The following CYSTM1 variants were observed in gnomAD, a reference collection of about 807,000 sequenced individuals.
CYSTM1 encodes the protein cysteine rich transmembrane module containing 1.
In CYSTM1, 4 loss-of-function variants were observed where a neutral mutation model predicts 13.1. That is an observed-to-expected ratio of 0.31 (90% CI 0.15 to 0.70). The LOEUF (loss-of-function observed/expected upper bound fraction) is 0.70. CYSTM1 is among the 30% of genes least tolerant of loss of function. The pLI is 0.72. For synonymous variants in CYSTM1, 36 were observed against 42.7 expected (o/e 0.84, Z 0.62); for missense variants, 96 against 121.6 (o/e 0.79, Z 0.99).
rs577709524 is a variant in CYSTM1, at chr5:140,178,441, C to CTTTTTTTTTTTTT, written c.-21+3169_-21+3181dup. ...TGGAAAAGCCCTATTCAAGTCCTTC[C>CTTTTTTTTTTTTT]TTTTTTTTTTTTTTTTTTTTTTTTT... On this transcript the variant is annotated intron_variant, in intron 1 of 2. Transcript: ENST00000261811. 1.2e-3 allele frequency among the ~76,000 whole-genome samples: 65 copies of CTTTTTTTTTTTTT among 52,662 alleles called. 8 individuals are homozygous for CTTTTTTTTTTTTT. The highest frequency in any genetic ancestry group is 4.9e-3 in the African/African-American group (58 of 11,820). The allele number at this position is 52,662 out of a possible 152,430, so 34.5% of individuals were successfully genotyped here. A position where few individuals can be genotyped will look rare whatever the true frequency, so the allele number is the denominator to read the frequency against.
intron 2 of CYSTM1, among the ~76,000 whole-genome samples, chr5:140,240,240 T>C (rs1764732058): frequency 6.6e-6 from 1 of 152,150 alleles, no homozygotes; most frequent in African/African-American, 2.4e-5. Flanking sequence ...TATTTTTAAA[T>C]AGCATTCCAA....
In CYSTM1 at chr5:140,175,816, G is replaced by T. The variant is rs572644513; in HGVS notation, c.-21+531G>T. ...AACGCAAAGCCGGCGCTCGGAGGCC[G>T]GGGTGTTCAGAGAAGGCGTTGCGGG... On this transcript the variant is annotated intron_variant, in intron 1 of 2. Coordinates refer to ENST00000261811, the MANE Select transcript of CYSTM1 (RefSeq NM_032412.4). This position sits in a 1 kb window ranked among gnomAD's most constrained non-coding sequence, Gnocchi z 4.9. 1.3e-5 allele frequency among the ~76,000 whole-genome samples: 2 copies of T among 152,232 alleles called. No individual in the cohort carries two copies. Among genetic ancestry groups the T allele is most frequent in the South Asian group, 2.1e-4 (1 of 4,834 alleles).
intron 2 of CYSTM1, among the ~76,000 whole-genome samples, chr5:140,207,728 G>A (rs964322345): frequency 1.3e-5 from 2 of 152,100 alleles, no homozygotes; most frequent in African/African-American, 4.8e-5. Flanking sequence ...CTTCCACATG[G>A]CTTTTGCAAA....
Position 140,194,681 on chromosome 5 carries a change from A to G in CYSTM1, c.187+29A>G, listed in dbSNP as rs773542768. 8.2e-6 allele frequency: 13 copies of G among 1,580,278 alleles called. No individual in the cohort carries two copies. The East Asian group carries it at 2.7e-4, about 33-fold the overall frequency. ...TGTGTCTCTGAATATGTGGGTGTGC[A>G]GTCCCGTGTCACTAAAGGAAATGTT... On this transcript the variant is annotated intron_variant, in intron 2 of 2. Transcript: ENST00000261811.
chr5:140,212,788 C>G (rs1764383628), intron 2 of CYSTM1, among the ~76,000 whole-genome samples: 1 of 151,618 alleles, frequency 6.6e-6, no homozygotes, highest in African/African-American at 2.4e-5. Flanking sequence ...GCAATATGGC[C>G]AAACTCCATC....
chr5:140,205,483 A>T lies in CYSTM1; in HGVS notation c.187+10831A>T, dbSNP rs981844095. On this transcript the variant is annotated intron_variant, in intron 2 of 2. Transcript: ENST00000261811. ...GCCCTGGAAAGCCTTTCCAGCATAGACCAGTCCAGTGCCTTCTTTCTTTGC... is the reference window on the plus strand; with the variant it reads ...GCCCTGGAAAGCCTTTCCAGCATAGTCCAGTCCAGTGCCTTCTTTCTTTGC... Among the ~76,000 whole-genome samples the T allele has an allele frequency of 2.6e-5, 4 of 152,106 alleles. No individual in the cohort carries two copies. The East Asian group carries it at 7.7e-4, about 29-fold the overall frequency.
rs1764778352 is a variant in CYSTM1, at chr5:140,243,473, C to T, written c.*62C>T. 7.1e-7 allele frequency: 1 copy of T among 1,407,008 alleles called. No individual in the cohort carries two copies. The highest frequency in any genetic ancestry group is 1.8e-5 in the Admixed American group (1 of 55,004). 87.2% of individuals were successfully genotyped at this position (1,407,008 alleles called of 1,614,324 possible). On this transcript the variant is annotated 3_prime_UTR_variant, in exon 3 of 3. Coordinates refer to ENST00000261811, the MANE Select transcript of CYSTM1 (RefSeq NM_032412.4). Reference sequence around the variant, plus strand: ...CTGCCACCTCTGACAGGTGTGCCTGCCCCCATCTCTTCTGATTGCTGTTAA... The same window carrying T: ...CTGCCACCTCTGACAGGTGTGCCTGTCCCCATCTCTTCTGATTGCTGTTAA...
intron 1 of CYSTM1, among the ~76,000 whole-genome samples, chr5:140,176,643 C>A (rs1763889246): frequency 6.6e-6 from 1 of 152,140 alleles, no homozygotes; most frequent in Non-Finnish European, 1.5e-5. Flanking sequence ...TAGGGTGAAA[C>A]CCAAACCCCA....
chr5:140,177,123 G>T (rs557543054), intron 1 of CYSTM1, among the ~76,000 whole-genome samples: 3 of 150,044 alleles, frequency 2.0e-5, no homozygotes, highest in Admixed American at 1.3e-4. Context: ...GAGTTTCTCC[G>T]TGTAAGGCTG....
At chr5:140,237,607 C>A (rs774355120) in intron 2 of CYSTM1, among the ~76,000 whole-genome samples, 1 of 152,242 alleles carries the variant, frequency 6.6e-6, no homozygotes, top group Non-Finnish European at 1.5e-5. Context: ...TCAACCCTGT[C>A]CTGGTAGCCT....
At position 140,219,797 on chromosome 5, in the gene CYSTM1, T is replaced by C. The variant is rs1764469286; in HGVS notation, c.188-23508T>C. Among the ~76,000 whole-genome samples the C allele has an allele frequency of 1.3e-5, 2 of 152,196 alleles. No individual in the cohort carries two copies. The highest frequency in any genetic ancestry group is 6.5e-5 in the Admixed American group (1 of 15,286). On this transcript the variant is annotated intron_variant, in intron 2 of 2. Coordinates refer to ENST00000261811, the MANE Select transcript of CYSTM1 (RefSeq NM_032412.4). This position sits in a 1 kb window ranked among gnomAD's most constrained non-coding sequence, Gnocchi z 4.1. ...GCAGCAAGTACTATTTGAATGAGAC[T>C]CCTGGGCCAGCACTCAATGTGAATC...
intron 2 of CYSTM1, among the ~76,000 whole-genome samples, chr5:140,212,318 T>G (rs1204278122): frequency 6.6e-6 from 1 of 152,228 alleles, no homozygotes; most frequent in Admixed American, 6.5e-5. Flanking sequence ...CCTAGTGATG[T>G]CTTGGCCATC....
intron 2 of CYSTM1, among the ~76,000 whole-genome samples, chr5:140,216,193 T>C (rs1764424542): frequency 6.6e-6 from 1 of 152,204 alleles, no homozygotes; most frequent in Admixed American, 6.5e-5. Context: ...CTCAGCTGTA[T>C]CTCAGTCTCT....
At chr5:140,225,068 G>C (rs767775459) in intron 2 of CYSTM1, among the ~76,000 whole-genome samples, 1 of 152,164 alleles carries the variant, frequency 6.6e-6, no homozygotes, top group Non-Finnish European at 1.5e-5. Flanking sequence ...TGTTGTCCTA[G>C]CTACTTGGGA....
chr5:140,194,940 G>A (rs564286126), intron 2 of CYSTM1, among the ~76,000 whole-genome samples: 1 of 152,364 alleles, frequency 6.6e-6, no homozygotes, highest in East Asian at 1.9e-4. Context: ...GGAATTAGCA[G>A]TTGAGTCTTT....
chr5:140,226,498 AT>A (rs1384354288), intron 2 of CYSTM1, among the ~76,000 whole-genome samples: 11 of 109,096 alleles, frequency 1.0e-4, no homozygotes, highest in African/African-American at 3.4e-5. Flanking sequence ...TATATATAAT[AT>A]ATATAAATAT....
At chr5:140,226,032 C>A (rs1196736572) in intron 2 of CYSTM1, among the ~76,000 whole-genome samples, 1 of 152,218 alleles carries the variant, frequency 6.6e-6, no homozygotes, top group Non-Finnish European at 1.5e-5. Flanking sequence ...TCCCTGTCTA[C>A]AAGAGGCCTG....
chr5:140,236,016 G>A (rs1764676536), intron 2 of CYSTM1, among the ~76,000 whole-genome samples: 1 of 152,112 alleles, frequency 6.6e-6, no homozygotes, highest in Admixed American at 6.6e-5. Flanking sequence ...TGTTTCTAAG[G>A]CTTGTCTTCC....
chr5:140,187,030 G>A (rs946380700), intron 1 of CYSTM1, among the ~76,000 whole-genome samples: 1 of 152,112 alleles, frequency 6.6e-6, no homozygotes, highest in African/African-American at 2.4e-5. Context: ...GGAGGCTGAG[G>A]CAGGAGAATC....
Sources: gnomAD v4.1 joint callset for allele counts (sites outside exome capture counted in the v4.1 genomes callset) on GRCh38, gnomAD v4.1.1 for gene constraint, Gnocchi (gnomAD v3.1) non-coding constraint, MANE v1.5 for transcripts, NCBI Gene and HGNC (gene_info 2026-07-23, HGNC 2026-07-21) for gene names.